The following TPX2 variants were observed in gnomAD, a reference collection of about 807,000 sequenced individuals.
TPX2 encodes targeting protein for Xklp2.
TPX2 carries 21 observed loss-of-function variants against 93.6 expected under a neutral mutation model. The observed-to-expected ratio is 0.22, with a 90% CI of 0.16 to 0.32. The LOEUF (loss-of-function observed/expected upper bound fraction) is 0.32. TPX2 is among the 10% of genes least tolerant of loss of function. TPX2 has a pLI of 1.00. For synonymous variants in TPX2, 281 were observed against 298.3 expected (o/e 0.94, Z 0.60); for missense variants, 776 against 871.1 (o/e 0.89, Z 1.37).
intron 12 of TPX2, 127 bp downstream of exon 12, chr20:31,784,048 G>A: frequency 9.9e-7 from 1 of 1,011,844 alleles, no homozygotes; most frequent in South Asian, 1.5e-5. Flanking sequence ...GTGATAAAGA[G>A]ACTTATCGGA....
intron 12 of TPX2, among the ~76,000 whole-genome samples, chr20:31,786,949 G>T (rs1233406076): frequency 6.6e-6 from 1 of 152,074 alleles, no homozygotes; most frequent in African/African-American, 2.4e-5. Context: ...GCCAAATCCA[G>T]CTGGTTCTCA....
Position 31,794,043 on chromosome 20 carries a change from G to T in TPX2, c.1686+19G>T. On this transcript the variant is annotated intron_variant, in intron 14 of 17. Coordinates refer to ENST00000300403, the MANE Select transcript of TPX2 (RefSeq NM_012112.5). ...AGGGGAGGTAGGTGTTTCCATTTCT[G>T]CAAGTAGTGTAATACTATTCTTTGA... The T allele has an allele frequency of 6.3e-7, 1 of 1,599,380 alleles. No individual in the cohort carries two copies. The highest frequency in any genetic ancestry group is 8.5e-7 in the Non-Finnish European group (1 of 1,173,758).
At chr20:31,767,950 GA>G (rs2061938898) in intron 5 of TPX2, among the ~76,000 whole-genome samples, 2 of 134,458 alleles carry the variant, frequency 1.5e-5, no homozygotes, top group Admixed American at 1.5e-4. Flanking sequence ...TTTTTTTTTT[GA>G]GAGAGGGTCT....
intron 4 of TPX2, among the ~76,000 whole-genome samples, chr20:31,764,889 T>C (rs1036988164): frequency 6.6e-6 from 1 of 152,190 alleles, no homozygotes; most frequent in African/African-American, 2.4e-5. Flanking sequence ...GTTCATATGC[T>C]ATGTGATTAA....
At chr20:31,758,840 C>T (rs763150422) in intron 3 of TPX2, among the ~76,000 whole-genome samples, 8 of 151,976 alleles carry the variant, frequency 5.3e-5, no homozygotes, top group Admixed American at 2.6e-4. Flanking sequence ...TTCACTGGAA[C>T]TGTAAGGAAA....
chr20:31,757,308 G>A, intron 2 of TPX2, 99 bp from the exon 3 acceptor site: 1 of 599,564 alleles, frequency 1.7e-6, no homozygotes, highest in South Asian at 2.1e-5. Flanking sequence ...GCTATTTTCA[G>A]TAAATTCTAG....
At chr20:31,751,127 C>T (rs1282052359) in intron 2 of TPX2, among the ~76,000 whole-genome samples, 2 of 151,862 alleles carry the variant, frequency 1.3e-5, no homozygotes, top group Non-Finnish European at 2.9e-5. Context: ...TCGAGTCTAG[C>T]CTGAGCAACA....
intron 2 of TPX2, among the ~76,000 whole-genome samples, chr20:31,750,448 C>G (rs1351234777): frequency 6.8e-6 from 1 of 147,878 alleles, no homozygotes; most frequent in Non-Finnish European, 1.5e-5. Flanking sequence ...GCCACCGTGC[C>G]CGGCTATTTA....
chr20:31,780,819 A>G (rs1181219926), intron 10 of TPX2: 5 of 258,186 alleles, frequency 1.9e-5, no homozygotes, highest in Non-Finnish European at 2.3e-5. Context: ...TCTCCATTTG[A>G]TTTTCTGTAA....
At chr20:31,747,125 T>G (rs190118487) in intron 2 of TPX2, among the ~76,000 whole-genome samples, 1,859 of 152,202 alleles carry the variant, frequency 0.012, 13 homozygotes, top group East Asian at 0.029. Context: ...GAGATTTTTT[T>G]TTGTTGTTGT....
intron 12 of TPX2, among the ~76,000 whole-genome samples, chr20:31,792,171 T>C (rs1435769962): frequency 2.0e-5 from 3 of 151,860 alleles, no homozygotes; most frequent in Non-Finnish European, 4.4e-5. Flanking sequence ...GGAGATTGCT[T>C]GAGGCCAGGA....
At chr20:31,779,871 C>T (rs6058462) in intron 10 of TPX2, among the ~76,000 whole-genome samples, 63,322 of 151,872 alleles carry the variant, frequency 0.42, 17,060 homozygotes, top group African/African-American at 0.76. Flanking sequence ...AGCAGATGAG[C>T]GGATTCTAAT....
At chr20:31,766,412 T>C (rs2061924906) in intron 4 of TPX2, 144 bp from the exon 5 acceptor site, 6 of 877,724 alleles carry the variant, frequency 6.8e-6, no homozygotes. Context: ...TGGTCTTCTG[T>C]ATAAGATTTA....
chr20:31,751,305 G>A (rs2061818043), intron 2 of TPX2, among the ~76,000 whole-genome samples: 1 of 152,108 alleles, frequency 6.6e-6, no homozygotes, highest in East Asian at 1.9e-4. Context: ...CCTTCCCCCA[G>A]CTTTAGTCGT....
chr20:31,799,124 C>T (rs745352645), intron 17 of TPX2, among the ~76,000 whole-genome samples: 2 of 152,148 alleles, frequency 1.3e-5, no homozygotes, highest in East Asian at 1.9e-4. Flanking sequence ...CAGTGTTCGT[C>T]GCTCCAGGTA....
chr20:31,794,022 G>A lies in TPX2; in HGVS notation c.1684G>A (p.Glu562Lys). Residue 562 changes from glutamate to lysine, a missense_variant and splice_region_variant, in exon 14 of 18, where the codon GAG (glutamate) becomes AAG (lysine). Physicochemically the swap from Glu to Lys is moderately conservative, Grantham distance 56 (BLOSUM62 1). Around this residue, in one of 3 missense-constraint regions of TPX2, gnomAD observed 461 missense variants for 551.2 expected, o/e 0.84. Transcript: ENST00000300403. ...EKKIKELQKG[E>K]VPKFKALPLP... ...GAAAATAAAAGAACTGCAGAAAGGG[G>A]AGGTAGGTGTTTCCATTTCTGCAAG... The A allele has an allele frequency of 6.2e-7, 1 of 1,607,258 alleles. No individual in the cohort carries two copies. The highest frequency in any genetic ancestry group is 8.5e-7 in the Non-Finnish European group (1 of 1,177,524).
intron 12 of TPX2, among the ~76,000 whole-genome samples, chr20:31,790,178 G>A (rs2062091460): frequency 6.6e-6 from 1 of 152,010 alleles, no homozygotes; most frequent in Non-Finnish European, 1.5e-5. Flanking sequence ...CCATTTCTTG[G>A]AGTTTTGTCA....
chr20:31,778,853 A>G lies in TPX2; in HGVS notation c.923A>G (p.Asn308Ser), dbSNP rs776677105. 5 of 1,608,404 alleles carry G rather than the reference A, an allele frequency of 3.1e-6. No homozygotes were observed. Among genetic ancestry groups the G allele is most frequent in the Non-Finnish European group, 4.2e-6 (5 of 1,178,248 alleles). The change falls in exon 10 of 18, where the codon AAC becomes AGC. Residue 308 changes from asparagine (N) to serine (S), a missense_variant. Asn to Ser is a conservative substitution (Grantham distance 46). This residue lies in a region of TPX2 where 461 missense variants were observed against 551.2 expected (regional missense o/e 0.84). Transcript: ENST00000300403. ...TKGCTIVKPFNLSQGKKRTFD... is the reference protein window; with the variant it reads ...TKGCTIVKPFSLSQGKKRTFD... ...GGATGTACCATTGTTAAGCCTTTCA[A>G]CCTGTCCCAAGGAAAGAAAAGAACA... is the stretch of plus-strand genomic sequence containing the variant.
At chr20:31,761,537 C>T (rs981763842) in intron 4 of TPX2, among the ~76,000 whole-genome samples, 5 of 152,210 alleles carry the variant, frequency 3.3e-5, no homozygotes, top group Middle Eastern at 6.3e-3. Context: ...CTTCACTTAA[C>T]ATAATGTCCT....
Sources: gnomAD v4.1 joint callset for allele counts (sites outside exome capture counted in the v4.1 genomes callset) on GRCh38, gnomAD v4.1.1 for gene constraint, gnomAD v4.1.1 regional missense constraint, MANE v1.5 for transcripts, NCBI Gene and HGNC (gene_info 2026-07-23, HGNC 2026-07-21) for gene names.